TLN2: variants seen among roughly 807,000 people sequenced by gnomAD.
TLN2 encodes the protein talin 2.
Under a neutral mutation model 294.7 loss-of-function variants are expected in TLN2, and 118 were observed. The observed-to-expected ratio is 0.40, with a 90% CI of 0.34 to 0.47. The LOEUF (loss-of-function observed/expected upper bound fraction) is 0.47, where lower values mean the gene tolerates loss of function less well. Among genes scored for constraint, TLN2 ranks in the 20% least tolerant of loss-of-function variants. TLN2 has a pLI of 0.84. For missense variants in TLN2, 3,083 were observed against 3,282.2 expected (o/e 0.94, Z 1.48); for synonymous variants, 1,431 against 1,304.5 (o/e 1.10, Z -2.09).
At chr15:62,652,173 G>C in intron 6 of TLN2, 39 bp downstream of exon 6, 1 of 1,472,476 alleles carries the variant, frequency 6.8e-7, no homozygotes, top group Non-Finnish European at 9.0e-7. Context: ...TTTTTGCTTA[G>C]TTTTTAATTA....
At position 62,677,751 on chromosome 15, in the gene TLN2, A is replaced by T. The variant is rs180816507; in HGVS notation, c.957+2430A>T. Among the ~76,000 whole-genome samples the T allele has an allele frequency of 1.4e-4, 21 of 146,490 alleles. No homozygotes were observed. The East Asian group carries it at 3.0e-3, about 21-fold the overall frequency. On this transcript the variant is annotated intron_variant, in intron 11 of 58. Transcript: ENST00000636159. Reference sequence around the variant, plus strand: ...CTTCTTTCTCTTTATTTTTTTTTAAAAATTACATCTCTTTGAAGAGAAGAA... The same window carrying T: ...CTTCTTTCTCTTTATTTTTTTTTAATAATTACATCTCTTTGAAGAGAAGAA...
chr15:62,691,782 C>A (rs1318224171), intron 12 of TLN2, among the ~76,000 whole-genome samples: 3 of 151,962 alleles, frequency 2.0e-5, no homozygotes, highest in Non-Finnish European at 4.4e-5. Context: ...CGATCCTCCT[C>A]CCTCAGCCTC....
At chr15:62,486,302 A>T (rs1031317823) in intron 1 of TLN2, among the ~76,000 whole-genome samples, 2 of 152,150 alleles carry the variant, frequency 1.3e-5, no homozygotes, top group African/African-American at 4.8e-5. Context: ...ATTATCCAGT[A>T]TGCAGTTCAT....
chr15:62,769,175 T>C (rs1001965940), intron 41 of TLN2, among the ~76,000 whole-genome samples: 1 of 152,236 alleles, frequency 6.6e-6, no homozygotes, highest in Non-Finnish European at 1.5e-5. Context: ...AGAAAACATA[T>C]AAGATTCTAA....
intron 21 of TLN2, 136 bp from the exon 22 acceptor site, chr15:62,711,775 A>G: frequency 1.1e-6 from 1 of 923,942 alleles, no homozygotes; most frequent in Non-Finnish European, 1.5e-6. Flanking sequence ...TGCATGGCTT[A>G]GGACTAGAGC....
intron 56 of TLN2, 23 bp downstream of exon 56, chr15:62,835,822 C>G (rs2069479295): frequency 1.2e-6 from 2 of 1,614,058 alleles, no homozygotes; most frequent in Non-Finnish European, 1.7e-6. Context: ...CTCCTTCCTC[C>G]CAGTTTGCTT....
At chr15:62,770,904 CT>C (rs2063312832) in intron 41 of TLN2, 59 bp from the exon 42 acceptor site, 1 of 1,552,464 alleles carries the variant, frequency 6.4e-7, no homozygotes, top group African/African-American at 1.4e-5. Context: ...TGTGGAGCCC[CT>C]GAAGGAGACA....
chr15:62,433,756 C>T (rs955928006), intron 1 of TLN2, among the ~76,000 whole-genome samples: 1 of 152,026 alleles, frequency 6.6e-6, no homozygotes, highest in Non-Finnish European at 1.5e-5. Context: ...ATTCACTTCC[C>T]TTCTTGTGGA....
At position 62,714,491 on chromosome 15, in the gene TLN2, C is replaced by G. The variant is rs368018135; in HGVS notation, c.2635-1840C>G. Reference sequence around the variant, plus strand: ...TGCTGGGATTACAGGTGTGAGCCACCGCGCCCAGCCACGTTTTGTTTCTTG... The same window carrying G: ...TGCTGGGATTACAGGTGTGAGCCACGGCGCCCAGCCACGTTTTGTTTCTTG... On this transcript the variant is annotated intron_variant, in intron 22 of 58. Coordinates refer to ENST00000636159, the MANE Select transcript of TLN2 (RefSeq NM_015059.3). Among the ~76,000 whole-genome samples the G allele has an allele frequency of 2.0e-5, 3 of 152,004 alleles. No homozygotes were observed. The South Asian group carries it at 6.2e-4, about 32-fold the overall frequency.
rs2062686751 is a variant in TLN2 at position 62,761,743 on chromosome 15, G to C, written c.4701G>C (p.Leu1567Phe). 1 of 1,614,144 alleles carries C rather than the reference G, an allele frequency of 6.2e-7. No individual in the cohort carries two copies. Residue 1567 changes from leucine to phenylalanine, a missense_variant, in exon 38 of 59, where the codon TTG becomes TTC. Transcript: ENST00000636159. ...RNKCRIATAP[L>F]IEAVENLTAF... ...AGTGTCGCATCGCCACCGCACCCTT[G>C]ATTGAAGCTGTGGAGAACCTGACAG... is the stretch of plus-strand genomic sequence containing the variant.
At chr15:62,788,495 G>T (rs1001264198) in intron 45 of TLN2, among the ~76,000 whole-genome samples, 1 of 152,184 alleles carries the variant, frequency 6.6e-6, no homozygotes, top group South Asian at 2.1e-4. Context: ...CCGCATGTCA[G>T]ATGCTGTGAT....
At chr15:62,674,277 T>C (rs1464586183) in intron 10 of TLN2, among the ~76,000 whole-genome samples, 1 of 152,156 alleles carries the variant, frequency 6.6e-6, no homozygotes, top group African/African-American at 2.4e-5. Context: ...AATCCAGAAT[T>C]ATCCTAAAAG....
intron 1 of TLN2, among the ~76,000 whole-genome samples, chr15:62,528,098 A>T (rs2040836406): frequency 1.3e-5 from 2 of 152,216 alleles, no homozygotes; most frequent in Non-Finnish European, 2.9e-5. Flanking sequence ...CATTAAAATT[A>T]GTTTATTTTT....
intron 1 of TLN2, among the ~76,000 whole-genome samples, chr15:62,503,704 C>A (rs28665661): frequency 0.014 from 2,133 of 152,280 alleles, 53 homozygotes; most frequent in African/African-American, 0.049. Flanking sequence ...CAGCTTGTGG[C>A]CTTTCTAGAA....
intron 32 of TLN2, among the ~76,000 whole-genome samples, chr15:62,741,450 A>G (rs2061314778): frequency 1.3e-5 from 2 of 152,138 alleles, no homozygotes; most frequent in South Asian, 2.1e-4. Context: ...TGAATGTGGT[A>G]TGTGGAGCAC....
chr15:62,703,038 T>C (rs562552084), intron 19 of TLN2, among the ~76,000 whole-genome samples, 174 bp downstream of exon 19: 4 of 152,300 alleles, frequency 2.6e-5, no homozygotes, highest in Middle Eastern at 3.4e-3. Flanking sequence ...AGATTTTTTT[T>C]AATAGGAAAA....
intron 1 of TLN2, among the ~76,000 whole-genome samples, chr15:62,529,381 G>A (rs1037825642): frequency 7.2e-5 from 11 of 152,042 alleles, no homozygotes; most frequent in South Asian, 2.1e-4. Flanking sequence ...GAGCCACTGC[G>A]CCCAGCCTTT....
At chr15:62,463,071 C>A (rs2036904422) in intron 1 of TLN2, among the ~76,000 whole-genome samples, 1 of 152,178 alleles carries the variant, frequency 6.6e-6, no homozygotes, top group Non-Finnish European at 1.5e-5. Flanking sequence ...CCCCAACCCC[C>A]CTGCCTCTGG....
At chr15:62,495,839 T>C (rs1329908015) in intron 1 of TLN2, among the ~76,000 whole-genome samples, 4 of 152,170 alleles carry the variant, frequency 2.6e-5, no homozygotes, top group African/African-American at 9.7e-5. Context: ...CACAGAGCTC[T>C]TTAAAGATGG....
Sources: gnomAD v4.1 joint callset for allele counts (sites outside exome capture counted in the v4.1 genomes callset) on GRCh38, gnomAD v4.1.1 for gene constraint, MANE v1.5 for transcripts, NCBI Gene and HGNC (gene_info 2026-07-23, HGNC 2026-07-21) for gene names.